The following PDE1A variants were observed in gnomAD, a reference collection of about 807,000 sequenced individuals.
PDE1A encodes dual specificity calcium/calmodulin-dependent 3',5'-cyclic nucleotide phosphodiesterase 1A.
Under a neutral mutation model 61.7 loss-of-function variants are expected in PDE1A, and 35 were observed. The observed-to-expected ratio is 0.57, with a 90% CI of 0.43 to 0.75. PDE1A has a LOEUF of 0.75. PDE1A is among the 30% of genes least tolerant of loss of function. The pLI is 0.00. For synonymous variants in PDE1A, 232 were observed against 213.2 expected (o/e 1.09, Z -0.77); for missense variants, 597 against 630.6 (o/e 0.95, Z 0.57).
At chr2:182,695,685 A>G in the PDE1A span, among the ~76,000 whole-genome samples, 1,723 of 123,136 alleles carry the variant, frequency 0.014, 40 homozygotes, top group Middle Eastern at 0.03. Flanking sequence ...AAAAAAAAAA[A>G]GAAAAAGAAA....
At chr2:182,557,849 C>T in the PDE1A span, among the ~76,000 whole-genome samples, 12 of 152,240 alleles carry the variant, frequency 7.9e-5, no homozygotes, top group African/African-American at 2.6e-4. Context: ...ACATCCATAG[C>T]TTGAGCAAAT....
At chr2:182,271,987 C>T (rs1468425571) in intron 1 of PDE1A, among the ~76,000 whole-genome samples, 1 of 152,006 alleles carries the variant, frequency 6.6e-6, no homozygotes, top group Non-Finnish European at 1.5e-5. Context: ...TGGAAATTAA[C>T]ACTAATAATT....
chr2:182,309,303 T>C (rs1485927954), intron 1 of PDE1A, among the ~76,000 whole-genome samples: 1 of 151,972 alleles, frequency 6.6e-6, no homozygotes, highest in Non-Finnish European at 1.5e-5. Flanking sequence ...CAATAAATTG[T>C]GACAAAATAG....
At position 182,386,018 on chromosome 2, in the gene PDE1A, CCTGA is replaced by C. The variant is rs1701051531; in HGVS notation, c.53+40556_53+40559del. ...GTGATTGCGGGCGTGTGCCGCCACGCCTGACTGTGTTTTTTTGGTGGAGACGGGG... is the reference window on the plus strand; with the variant it reads ...GTGATTGCGGGCGTGTGCCGCCACGCCTGTGTTTTTTTGGTGGAGACGGGG... On this transcript the variant is annotated intron_variant, in intron 1 of 13. Coordinates refer to ENST00000351439, the Ensembl canonical transcript of PDE1A. Among the ~76,000 whole-genome samples, 4 of 152,358 alleles carry C rather than the reference CCTGA, an allele frequency of 2.6e-5. No homozygotes were observed. In the South Asian group the frequency reaches 8.3e-4, roughly 32 times the overall value.
At chr2:182,601,719 T>C in the PDE1A span, among the ~76,000 whole-genome samples, 1 of 152,178 alleles carries the variant, frequency 6.6e-6, no homozygotes, top group East Asian at 1.9e-4. Flanking sequence ...GAGGAGGCTC[T>C]GGGTTGGGTG....
chr2:182,354,754 A>G (rs1404836511), intron 1 of PDE1A, among the ~76,000 whole-genome samples: 1 of 152,176 alleles, frequency 6.6e-6, no homozygotes, highest in Non-Finnish European at 1.5e-5. Context: ...GTTATATGTC[A>G]GATAACATTC....
intron 10 of PDE1A, among the ~76,000 whole-genome samples, 163 bp downstream of exon 10, chr2:182,201,276 C>T (rs947718852): frequency 3.3e-5 from 5 of 152,098 alleles, no homozygotes; most frequent in Non-Finnish European, 7.4e-5. Context: ...ACTTAATACA[C>T]CTTTCTGATA....
intron 2 of PDE1A, among the ~76,000 whole-genome samples, chr2:182,244,986 A>G (rs1275320305): frequency 6.6e-6 from 1 of 152,152 alleles, no homozygotes; most frequent in Non-Finnish European, 1.5e-5. Flanking sequence ...GGCCTTTGAG[A>G]GCTTCATCTG....
chr2:182,536,268 T>C, the PDE1A span, among the ~76,000 whole-genome samples: 5 of 152,234 alleles, frequency 3.3e-5, no homozygotes, highest in Non-Finnish European at 4.4e-5. Flanking sequence ...CTTAGGTACA[T>C]GTCATAAAAA....
intron 2 of PDE1A, among the ~76,000 whole-genome samples, chr2:182,249,619 C>G (rs1691244183): frequency 6.6e-6 from 1 of 152,092 alleles, no homozygotes; most frequent in East Asian, 1.9e-4. Context: ...AGTAGGAATA[C>G]TCTTGTTGGA....
At chr2:182,635,708 G>A in the PDE1A span, among the ~76,000 whole-genome samples, 291 of 120,526 alleles carry the variant, frequency 2.4e-3, no homozygotes, top group African/African-American at 8.7e-3. Flanking sequence ...CTCCACATAT[G>A]TGGAACTTCT....
chr2:182,696,998 G>A, the PDE1A span, among the ~76,000 whole-genome samples: 1 of 152,104 alleles, frequency 6.6e-6, no homozygotes, highest in Non-Finnish European at 1.5e-5. Flanking sequence ...TCTTGAGCTT[G>A]AGCTGATCAC....
At chr2:182,349,197 G>A (rs906526721) in intron 1 of PDE1A, among the ~76,000 whole-genome samples, 1 of 152,148 alleles carries the variant, frequency 6.6e-6, no homozygotes, top group Admixed American at 6.5e-5. Flanking sequence ...TTACAAAATG[G>A]AGGTCACTGA....
At chr2:182,312,622 T>A (rs1696060324) in intron 1 of PDE1A, among the ~76,000 whole-genome samples, 1 of 152,208 alleles carries the variant, frequency 6.6e-6, no homozygotes, top group South Asian at 2.1e-4. Context: ...TCCATATATA[T>A]GTGGGTTAAT....
At chr2:182,512,646 G>A (rs1389963101) in intron 2 of PDE1A, among the ~76,000 whole-genome samples, 1 of 151,886 alleles carries the variant, frequency 6.6e-6, no homozygotes, top group East Asian at 1.9e-4. Context: ...TGGATGGCAT[G>A]GAAAATTATT....
intron 1 of PDE1A, among the ~76,000 whole-genome samples, chr2:182,333,449 T>C (rs922170348): frequency 1.5e-4 from 23 of 152,120 alleles, no homozygotes; most frequent in Middle Eastern, 3.2e-3. Context: ...CACAATTACA[T>C]GGAAACTGAA....
chr2:182,599,258 A>G, the PDE1A span, among the ~76,000 whole-genome samples: 1 of 152,128 alleles, frequency 6.6e-6, no homozygotes, highest in Non-Finnish European at 1.5e-5. Context: ...GCTCTGCCTC[A>G]GTGGGACTTG....
intron 2 of PDE1A, among the ~76,000 whole-genome samples, chr2:182,518,580 A>G (rs1224555121): frequency 6.6e-6 from 1 of 152,168 alleles, no homozygotes; most frequent in Non-Finnish European, 1.5e-5. Flanking sequence ...GAGACGTGTA[A>G]AATTAGCGAT....
intron 3 of PDE1A, among the ~76,000 whole-genome samples, chr2:182,237,679 G>C (rs146500088): frequency 8.5e-5 from 13 of 152,232 alleles, no homozygotes; most frequent in African/African-American, 3.1e-4. Context: ...TAAACCACTG[G>C]CTGGGGGCAG....
Sources: gnomAD v4.1 joint callset for allele counts (sites outside exome capture counted in the v4.1 genomes callset) on GRCh38, gnomAD v4.1.1 for gene constraint, MANE v1.5 for transcripts, NCBI Gene and HGNC (gene_info 2026-07-23, HGNC 2026-07-21) for gene names.